Variants in KIF9 observed in about 807,000 individuals in gnomAD.
The protein encoded by KIF9 is kinesin family member 9.
Under a neutral mutation model 94.8 loss-of-function variants are expected in KIF9, and 68 were observed. The observed-to-expected ratio is 0.72, with a 90% CI of 0.59 to 0.88. The LOEUF is 0.88. Among genes scored for constraint, KIF9 ranks in the 40% least tolerant of loss-of-function variants. KIF9 has a pLI of 0.00. For synonymous variants in KIF9, 343 were observed against 362.1 expected, an observed-to-expected ratio of 0.95 and a Z score of 0.60; for missense variants, 882 against 982.5, an observed-to-expected ratio of 0.90 and a Z score of 1.37.
rs550716970 is a variant in KIF9, at chr3:47,265,823, G to A, written c.823C>T (p.Leu275=). 5.7e-5 allele frequency: 92 copies of A among 1,614,190 alleles called. No individual in the cohort carries two copies. The South Asian group carries it at 9.6e-4, about 17-fold the overall frequency. ...CCAAGGGCAATGATGGCCTGCTCCA[G>A]GAATGAGAGCGATTTGTTGATGTAG... ...ATYINKSLSF[L]EQAIIALGDQ... is the part of the protein sequence containing the mutation. Residue 275 remains leucine (L), a synonymous_variant, in exon 8 of 21, where the codon CTG becomes TTG. Coordinates refer to ENST00000684063, the MANE Select transcript of KIF9 (RefSeq NM_182902.4).
Position 47,282,693 on chromosome 3 carries a change from G to A in KIF9, c.-204C>T. On this transcript the variant is annotated 5_prime_UTR_variant, in exon 1 of 21. Transcript: ENST00000684063. ...ACGGGTGAGGTCATGGCCGAATCGG[G>A]AAGACGAGAGATGGGGCCGATTGAT... 7.4e-7 allele frequency: 1 copy of A among 1,353,312 alleles called. No homozygotes were observed. Among genetic ancestry groups the A allele is most frequent in the Non-Finnish European group, 9.6e-7 (1 of 1,046,956 alleles). The allele number at this position is 1,353,312 out of a possible 1,614,324, so 83.8% of individuals were successfully genotyped here.
chr3:47,270,719 TTTTTTC>T (rs1328106996), intron 5 of KIF9, among the ~76,000 whole-genome samples: 1 of 152,104 alleles, frequency 6.6e-6, no homozygotes, highest in Non-Finnish European at 1.5e-5. Context: ...GCATGAATCA[TTTTTTC>T]TTTTTATTTA....
chr3:47,250,511 CTT>C, intron 10 of KIF9: 3 of 429,902 alleles, frequency 7.0e-6, no homozygotes, highest in East Asian at 6.2e-5. Context: ...ATAAATGATA[CTT>C]TTTTTTTCAG....
In KIF9 at chr3:47,240,998, G is replaced by A; in HGVS notation, c.1727C>T (p.Ser576Phe). ...AAACTCCTCAAAGGCCACTGGTTTG[G>A]AGGGTGGGGTGTCGGGCCTTGAGAT... ...LRPIRPDTPP[S>F]KPVAFEEFKN... Residue 576 changes from serine to phenylalanine, a missense_variant, in exon 17 of 21, where the codon TCC (serine) becomes TTC (phenylalanine). Transcript: ENST00000684063. 1 of 1,614,168 alleles carries A rather than the reference G, an allele frequency of 6.2e-7. No homozygotes were observed. Among genetic ancestry groups the A allele is most frequent in the South Asian group, 1.1e-5 (1 of 91,082 alleles).
chr3:47,239,768 T>A (rs1699327929), intron 17 of KIF9: 2 of 1,349,046 alleles, frequency 1.5e-6, no homozygotes, highest in Admixed American at 3.9e-5. Context: ...GAGAAATAAA[T>A]GAGTAAAATG....
Position 47,273,766 on chromosome 3 carries a change from C to T in KIF9, c.260-108G>A, listed in dbSNP as rs569133580. 2.1e-5 allele frequency: 19 copies of T among 903,356 alleles called. 1 individual carries two copies. In the South Asian group the frequency reaches 2.5e-4, roughly 12 times the overall value. The allele number at this position is 903,356 out of a possible 1,614,324, so 56.0% of individuals were successfully genotyped here. On this transcript the variant is annotated intron_variant, in intron 3 of 20. Transcript: ENST00000684063. ...GCCAGGGCCCTTTGCATGAAGATGG[C>T]CAGTGGGGGCAGCCAAGAACATCAG... is the stretch of plus-strand genomic sequence containing the variant.
intron 4 of KIF9, among the ~76,000 whole-genome samples, chr3:47,273,124 G>C (rs1287282266): frequency 6.6e-6 from 1 of 152,156 alleles, no homozygotes; most frequent in Non-Finnish European, 1.5e-5. Context: ...TCTTGCTTTT[G>C]ATCTTTCAGG....
At chr3:47,256,684 GT>G (rs1461507789) in intron 10 of KIF9, among the ~76,000 whole-genome samples, 1 of 152,270 alleles carries the variant, frequency 6.6e-6, no homozygotes, top group East Asian at 1.9e-4. Context: ...GACAGTGGCA[GT>G]TTTGTGGAGT....
intron 15 of KIF9, 45 bp downstream of exon 15, chr3:47,244,746 G>A (rs79653167): frequency 1.1e-5 from 17 of 1,609,150 alleles, no homozygotes; most frequent in South Asian, 1.1e-5. Context: ...TGCACCCACC[G>A]AGGAGGGCCA....
chr3:47,241,671 G>GTATATACATATATGCATATATACA (rs1559427967), intron 16 of KIF9, among the ~76,000 whole-genome samples: 1 of 148,624 alleles, frequency 6.7e-6, no homozygotes, highest in African/African-American at 2.5e-5. Context: ...GTGTGTGTGT[G>GTATATACATATATGCATATATACA]TATATACATA....
At chr3:47,274,330 C>T (rs758576887) in intron 3 of KIF9, among the ~76,000 whole-genome samples, 11 of 152,186 alleles carry the variant, frequency 7.2e-5, no homozygotes, top group East Asian at 1.9e-4. Flanking sequence ...CACCAGGCTC[C>T]GGGACACAAA....
In KIF9 at chr3:47,277,392, GAAC is replaced by G; in HGVS notation, c.-5-16_-5-14del. Reference sequence around the variant, plus strand: ...GTACCCATTCTAGCTAAAAAGAAGGGAACAATGAAATTTTGAGTAGTCATTATC... The same window carrying G: ...GTACCCATTCTAGCTAAAAAGAAGGGAATGAAATTTTGAGTAGTCATTATC... On this transcript the variant is annotated splice_polypyrimidine_tract_variant and intron_variant, in intron 1 of 20. Transcript: ENST00000684063. 1 of 1,584,724 alleles carries G rather than the reference GAAC, an allele frequency of 6.3e-7. No individual in the cohort carries two copies. The highest frequency in any genetic ancestry group is 8.7e-7 in the Non-Finnish European group (1 of 1,153,982).
At chr3:47,249,759 T>A (rs1056041841) in intron 10 of KIF9, among the ~76,000 whole-genome samples, 6 of 152,200 alleles carry the variant, frequency 3.9e-5, no homozygotes, top group Admixed American at 6.5e-5. Flanking sequence ...ACAATTACTC[T>A]TTAAAATTGT....
At chr3:47,239,387 TA>T (rs1699300127) in intron 17 of KIF9, among the ~76,000 whole-genome samples, 2 of 152,174 alleles carry the variant, frequency 1.3e-5, no homozygotes, top group African/African-American at 2.4e-5. Context: ...GTTTGTCCCA[TA>T]AAATCTTCAC....
At position 47,228,344 on chromosome 3, in the gene KIF9, G is replaced by A; in HGVS notation, c.*308C>T. 3.2e-6 allele frequency: 1 copy of A among 315,102 alleles called. No individual in the cohort carries two copies. The highest frequency in any genetic ancestry group is 4.0e-5 in the South Asian group (1 of 25,314). 19.5% of individuals were successfully genotyped at this position (315,102 alleles called of 1,614,324 possible). A position where few individuals can be genotyped will look rare whatever the true frequency, so the allele number is the denominator to read the frequency against. On this transcript the variant is annotated 3_prime_UTR_variant, in exon 21 of 21. Coordinates refer to ENST00000684063, the MANE Select transcript of KIF9 (RefSeq NM_182902.4). ...TCAGTTCTGACCTCACACATACATA[G>A]AGAATATGTCCTTTCAGACAGGAAA...
At chr3:47,230,432 T>C (rs953562228) in intron 20 of KIF9, among the ~76,000 whole-genome samples, 2 of 151,854 alleles carry the variant, frequency 1.3e-5, no homozygotes, top group African/African-American at 4.8e-5. Flanking sequence ...AAATTGTTTT[T>C]AATTAAAAAG....
intron 18 of KIF9, 90 bp from the exon 19 acceptor site, chr3:47,236,239 G>T: frequency 1.8e-6 from 2 of 1,099,148 alleles, no homozygotes; most frequent in Non-Finnish European, 2.8e-6. Flanking sequence ...CTCACCATCT[G>T]TTCACTTCCT....
At chr3:47,238,219 T>C (rs924770091) in intron 17 of KIF9, among the ~76,000 whole-genome samples, 5 of 152,012 alleles carry the variant, frequency 3.3e-5, no homozygotes, top group Admixed American at 6.6e-5. Flanking sequence ...ATCTAAGAGA[T>C]TGATTGATTG....
intron 15 of KIF9, chr3:47,244,075 G>A (rs911672134): frequency 6.6e-6 from 1 of 152,306 alleles, no homozygotes; most frequent in Non-Finnish European, 1.5e-5. Context: ...CCTGTGGCCT[G>A]TGCTCACACA....
Sources: allele counts gnomAD v4.1 joint callset (sites outside exome capture counted in the v4.1 genomes callset), GRCh38; gene constraint gnomAD v4.1.1; transcripts MANE v1.5; gene names NCBI Gene and HGNC (gene_info 2026-07-23, HGNC 2026-07-21).